The following NKIRAS1 variants were observed in gnomAD, a reference collection of about 807,000 sequenced individuals.
NKIRAS1 encodes the protein NFKB inhibitor interacting Ras like 1, also known as NF-kappa-B inhibitor-interacting Ras-like protein 1.
A neutral mutation model predicts 19.8 loss-of-function variants in NKIRAS1; 16 were observed. That is an observed-to-expected ratio of 0.81 (90% CI 0.55 to 1.23). The LOEUF (loss-of-function observed/expected upper bound fraction) is 1.23. Ranked by LOEUF, NKIRAS1 falls within the 50% of genes most tolerant of loss-of-function variation. NKIRAS1 has a pLI of 0.00. For missense variants in NKIRAS1, 184 were observed against 220.0 expected (o/e 0.84, Z 1.04); for synonymous variants, 88 against 79.0 (o/e 1.11, Z -0.61).
chr3:23,896,451 A>G (rs1702004684), intron 4 of NKIRAS1, among the ~76,000 whole-genome samples: 1 of 151,906 alleles, frequency 6.6e-6, no homozygotes, highest in Non-Finnish European at 1.5e-5. Context: ...CCTGTCGTCT[A>G]AAAATACAAA....
chr3:23,925,792 A>C (rs1575127657), intron 1 of NKIRAS1, among the ~76,000 whole-genome samples: 2 of 152,344 alleles, frequency 1.3e-5, no homozygotes, highest in East Asian at 3.9e-4. Context: ...ACACTTTATT[A>C]TGTGATAGCT....
intron 1 of NKIRAS1, among the ~76,000 whole-genome samples, chr3:23,930,705 T>C (rs1168093489): frequency 6.6e-6 from 1 of 152,164 alleles, no homozygotes; most frequent in Non-Finnish European, 1.5e-5. Flanking sequence ...ATCTCTTTCA[T>C]TTTTTTATTT....
chr3:23,938,208 C>G (rs2125270134), intron 1 of NKIRAS1, among the ~76,000 whole-genome samples: 1 of 97,668 alleles, frequency 1.0e-5, no homozygotes, highest in East Asian at 2.3e-4. Context: ...AAGTACAGTA[C>G]CTTTTTTTTT....
At chr3:23,909,068 A>G (rs184036871) in intron 3 of NKIRAS1, among the ~76,000 whole-genome samples, 8 of 152,264 alleles carry the variant, frequency 5.3e-5, no homozygotes, top group Admixed American at 5.2e-4. Flanking sequence ...TGGGGTCCTC[A>G]GTAAGTTTTC....
chr3:23,900,799 T>G lies in NKIRAS1; in HGVS notation c.336+9A>C. 6.2e-7 allele frequency: 1 copy of G among 1,609,780 alleles called. No individual in the cohort carries two copies. Among genetic ancestry groups the G allele is most frequent in the Non-Finnish European group, 8.5e-7 (1 of 1,177,212 alleles). ...ATTCACATTTGGCATTTTTAACATA[T>G]CCACTTGCCTCTTTTTTGTCTTTGA... On this transcript the variant is annotated intron_variant, in intron 4 of 4. Transcript: ENST00000425478.
At chr3:23,894,563 A>C (rs1418678938) in intron 4 of NKIRAS1, among the ~76,000 whole-genome samples, 2 of 151,774 alleles carry the variant, frequency 1.3e-5, no homozygotes, top group Admixed American at 1.3e-4. Flanking sequence ...TCTCCTCCCA[A>C]CTGCAGAAAC....
At chr3:23,919,052 T>G (rs149580756), upstream of NKIRAS1, 1,849 of 632,124 alleles carry the variant, frequency 2.9e-3, 6 homozygotes, top group Non-Finnish European at 4.2e-3. Flanking sequence ...CTTGTGATAG[T>G]CTAGGGAGAA....
rs1455673565 is a variant in NKIRAS1 at position 23,890,154 on chromosome 3, A to G, written c.*2941T>C. Reference sequence around the variant, plus strand: ...TGACATTGAGCTAAGGGTCACATGAACACAGCTGGATGTTCATTGCAGTCT... The same window carrying G: ...TGACATTGAGCTAAGGGTCACATGAGCACAGCTGGATGTTCATTGCAGTCT... On this transcript the variant is annotated 3_prime_UTR_variant, in exon 5 of 5. Transcript: ENST00000425478. 7.9e-5 allele frequency among the ~76,000 whole-genome samples: 12 copies of G among 152,300 alleles called. No homozygotes were observed. The East Asian group carries it at 1.7e-3, about 22-fold the overall frequency.
At chr3:23,910,777 A>C in intron 3 of NKIRAS1, 34 bp downstream of exon 3, 1 of 1,524,880 alleles carries the variant, frequency 6.6e-7, no homozygotes, top group Non-Finnish European at 9.1e-7. Flanking sequence ...TAGCTCCCAG[A>C]ACCTAGAGAC....
chr3:23,919,094 C>G, upstream of NKIRAS1: 8 of 770,186 alleles, frequency 1.0e-5, no homozygotes, highest in Non-Finnish European at 1.8e-5. Flanking sequence ...TAGTAAAAGA[C>G]TCTTGTCTGG....
Position 23,901,094 on chromosome 3 carries a change from C to T in NKIRAS1, c.95-45G>A, listed in dbSNP as rs908447203. On this transcript the variant is annotated intron_variant, in intron 3 of 4. Transcript: ENST00000425478. Reference sequence around the variant, plus strand: ...TTACTCTTTTTGGCTAAGTCAGTGTCAACTGCTCCGTATTTTCTTGTCCTT... The same window carrying T: ...TTACTCTTTTTGGCTAAGTCAGTGTTAACTGCTCCGTATTTTCTTGTCCTT... 3.8e-6 allele frequency: 6 copies of T among 1,597,118 alleles called. 1 individual carries two copies. In the East Asian group the frequency reaches 9.0e-5, roughly 24 times the overall value.
intron 3 of NKIRAS1, among the ~76,000 whole-genome samples, chr3:23,906,437 C>T (rs965206286): frequency 2.0e-5 from 3 of 152,174 alleles, no homozygotes; most frequent in Non-Finnish European, 4.4e-5. Context: ...TACTGCTCTG[C>T]TGAGAATACC....
At chr3:23,898,507 A>G (rs1397584971) in intron 4 of NKIRAS1, among the ~76,000 whole-genome samples, 1 of 150,528 alleles carries the variant, frequency 6.6e-6, no homozygotes, top group African/African-American at 2.5e-5. Flanking sequence ...CAATGGCATG[A>G]TCTCAGCTCA....
At chr3:23,920,898 C>A, upstream of NKIRAS1, 1 of 433,102 alleles carries the variant, frequency 2.3e-6, no homozygotes, top group Non-Finnish European at 3.1e-6. Context: ...TACTTTAAAG[C>A]AAACCAAATG....
intron 1 of NKIRAS1, among the ~76,000 whole-genome samples, chr3:23,911,788 G>T (rs1358998329): frequency 6.7e-6 from 1 of 149,318 alleles, no homozygotes; most frequent in Admixed American, 6.7e-5. Flanking sequence ...TTTGAGACAG[G>T]GTCTAGCTCT....
chr3:23,901,185 T>C, intron 3 of NKIRAS1, 136 bp from the exon 4 acceptor site: 1 of 1,036,330 alleles, frequency 9.6e-7, no homozygotes, highest in East Asian at 2.5e-5. Context: ...TTTACTTTTT[T>C]TTTTTTTTTT....
At chr3:23,946,347 C>T in exon 1 of NKIRAS1, 1 of 963,096 alleles carries the variant, frequency 1.0e-6, no homozygotes, top group Non-Finnish European at 1.2e-6. Flanking sequence ...GGAGGAAGTG[C>T]AGGACGAGGG....
At chr3:23,895,269 C>T (rs527820521) in intron 4 of NKIRAS1, among the ~76,000 whole-genome samples, 44 of 152,248 alleles carry the variant, frequency 2.9e-4, no homozygotes, top group African/African-American at 9.1e-4. Context: ...GCCTCAGCTC[C>T]GCAAAGTGCT....
upstream of NKIRAS1, chr3:23,920,186 A>G (rs1704994570): frequency 2.0e-6 from 2 of 985,466 alleles, no homozygotes; most frequent in South Asian, 9.4e-5. Context: ...ATACCTTTCA[A>G]GTGTGAGCTT....
Sources: gnomAD v4.1 joint callset for allele counts (sites outside exome capture counted in the v4.1 genomes callset) on GRCh38, gnomAD v4.1.1 for gene constraint, MANE v1.5 for transcripts, NCBI Gene and HGNC (gene_info 2026-07-23, HGNC 2026-07-21) for gene names.